The following MICALL2 variants were observed in gnomAD, a reference collection of about 807,000 sequenced individuals.
MICALL2 encodes the protein MICAL like 2.
In MICALL2, 111 loss-of-function variants were observed where a neutral mutation model predicts 91.1. The observed-to-expected ratio is 1.22, with a 90% CI of 1.04 to 1.43. The LOEUF (loss-of-function observed/expected upper bound fraction) is 1.43. Ranked by LOEUF, MICALL2 falls within the 40% of genes most tolerant of loss-of-function variation. MICALL2 has a pLI of 0.00. For missense variants in MICALL2, 1,556 were observed against 1,236.0 expected, an observed-to-expected ratio of 1.26 and a Z score of -3.88; for synonymous variants, 694 against 525.3, an observed-to-expected ratio of 1.32 and a Z score of -4.39.
intron 16 of MICALL2, 78 bp from the exon 17 acceptor site, chr7:1,434,750 G>A: frequency 1.4e-6 from 2 of 1,394,810 alleles, no homozygotes; most frequent in Admixed American, 2.3e-5. Context: ...CCCCCTGCCA[G>A]AAACATCCTT....
intron 15 of MICALL2, 65 bp downstream of exon 15, chr7:1,436,677 G>C: frequency 7.9e-7 from 1 of 1,265,304 alleles, no homozygotes; most frequent in Non-Finnish European, 1.1e-6. Context: ...CTGACCCTGA[G>C]GGCCGGGAGC....
At chr7:1,438,057 T>C in intron 12 of MICALL2, 40 bp downstream of exon 12, 2 of 1,564,388 alleles carry the variant, frequency 1.3e-6, no homozygotes, top group Non-Finnish European at 1.7e-6. Flanking sequence ...AGGGTGTCTG[T>C]GGGAGTCGGG....
intron 1 of MICALL2, among the ~76,000 whole-genome samples, chr7:1,457,975 C>T (rs1781078285): frequency 1.3e-5 from 2 of 152,286 alleles, no homozygotes. Flanking sequence ...GAAGCACGCA[C>T]CTTGTGCCCA....
chr7:1,438,240 G>C lies in MICALL2; in HGVS notation c.2188-20C>G, dbSNP rs764886929. ...GTGCAGCTGGGAACGGAGGGGCGGT[G>C]AGGATGCCGGAGGGCTGGGCCCCTG... On this transcript the variant is annotated intron_variant, in intron 11 of 16. Coordinates refer to ENST00000297508, the MANE Select transcript of MICALL2 (RefSeq NM_182924.4). The C allele has an allele frequency of 6.3e-7, 1 of 1,588,322 alleles. No individual in the cohort carries two copies. The highest frequency in any genetic ancestry group is 1.8e-5 in the Admixed American group (1 of 56,792).
intron 5 of MICALL2, among the ~76,000 whole-genome samples, chr7:1,446,176 G>A (rs1460918795): frequency 8.3e-5 from 7 of 84,820 alleles, no homozygotes; most frequent in Non-Finnish European, 1.5e-4. Flanking sequence ...GGAGCAGTAG[G>A]GAGAGAAGAG....
At chr7:1,453,300 A>G (rs963114443) in intron 1 of MICALL2, among the ~76,000 whole-genome samples, 12 of 152,260 alleles carry the variant, frequency 7.9e-5, no homozygotes, top group Admixed American at 7.8e-4. Flanking sequence ...CCCTGGTCCC[A>G]TGGCTGGTGT....
Position 1,448,689 on chromosome 7 carries a change from C to A in MICALL2, c.265G>T (p.Val89Leu), listed in dbSNP as rs543940865. The change falls in exon 3 of 17, where the codon GTG (valine) becomes TTG (leucine). Residue 89 changes from valine to leucine, a missense_variant. Val to Leu is a conservative substitution (Grantham distance 32). Transcript: ENST00000297508. ...GTCAAGATGCTCAGCCGGTCAGGCA[C>A]CTTCAAGGCCACCATGTCCTCGGCA... Reference protein sequence around the residue: ...LDAEDMVALKVPDRLSILTYV... With the variant: ...LDAEDMVALKLPDRLSILTYV... 14 of 1,612,760 alleles carry A rather than the reference C, an allele frequency of 8.7e-6. No homozygotes were observed. The highest frequency in any genetic ancestry group is 5.3e-5 in the African/African-American group (4 of 75,044).
At chr7:1,437,462 G>C (rs1395856513) in intron 14 of MICALL2, 73 bp downstream of exon 14, 1 of 1,357,786 alleles carries the variant, frequency 7.4e-7, no homozygotes, top group South Asian at 1.4e-5. Flanking sequence ...GCCTCACAGA[G>C]CCGGCCCCCA....
At chr7:1,454,653 G>T (rs1447846948) in intron 1 of MICALL2, among the ~76,000 whole-genome samples, 1 of 152,224 alleles carries the variant, frequency 6.6e-6, no homozygotes, top group Non-Finnish European at 1.5e-5. Flanking sequence ...CCCTGGGGCA[G>T]GAACAGAAGG....
At chr7:1,453,333 T>C (rs760066973) in intron 1 of MICALL2, among the ~76,000 whole-genome samples, 12 of 152,032 alleles carry the variant, frequency 7.9e-5, no homozygotes, top group Non-Finnish European at 1.6e-4. Context: ...GAAATGTGGA[T>C]GCAGATACAA....
intron 7 of MICALL2, 181 bp downstream of exon 7, chr7:1,442,011 A>T: frequency 2.8e-6 from 2 of 724,434 alleles, no homozygotes; most frequent in South Asian, 1.8e-5. Context: ...TGCAGCCACC[A>T]CACAGAGAGC....
chr7:1,434,857 G>T, intron 16 of MICALL2, 185 bp from the exon 17 acceptor site: 1 of 734,404 alleles, frequency 1.4e-6, no homozygotes, highest in Non-Finnish European at 2.2e-6. Flanking sequence ...TGCCCCGGAG[G>T]GCTGGTCCCC....
Position 1,452,622 on chromosome 7 carries a change from G to A in MICALL2, c.144-2334C>T, listed in dbSNP as rs1780877268. The stretch of plus-strand genomic sequence containing the variant: ...GCACTTGTTTCCGTCCACCCCAGGG[G>A]CCAGCAGCGGCTCTGTCCAGTGGGT... On this transcript the variant is annotated intron_variant, in intron 1 of 16. Coordinates refer to ENST00000297508, the MANE Select transcript of MICALL2 (RefSeq NM_182924.4). The surrounding 1 kb of genome is among the most constrained non-coding windows in gnomAD (Gnocchi z 6.2). Among the ~76,000 whole-genome samples, 1 of 152,130 alleles carries A rather than the reference G, an allele frequency of 6.6e-6. No individual in the cohort carries two copies. Among genetic ancestry groups the A allele is most frequent in the Non-Finnish European group, 1.5e-5 (1 of 68,012 alleles).
chr7:1,446,941 G>C (rs1255070250), intron 4 of MICALL2, 113 bp from the exon 5 acceptor site: 1 of 754,062 alleles, frequency 1.3e-6, no homozygotes, highest in African/African-American at 1.8e-5. Flanking sequence ...CTGGCCAGGA[G>C]AGGAGCCGCC....
At position 1,439,987 on chromosome 7, in the gene MICALL2, G is replaced by A; in HGVS notation, c.1904C>T (p.Thr635Ile). 2 of 1,540,102 alleles carry A rather than the reference G, an allele frequency of 1.3e-6. No homozygotes were observed. The change falls in exon 9 of 17, where the codon ACC becomes ATC. Residue 635 changes from threonine (T) to isoleucine (I), a missense_variant. Transcript: ENST00000297508. ...CCTGTCAGGCCTCACGGGGGTCAGGGTGATGTGGACACTCCCAGCAAAGCT... is the reference window on the plus strand; with the variant it reads ...CCTGTCAGGCCTCACGGGGGTCAGGATGATGTGGACACTCCCAGCAAAGCT... The part of the protein sequence containing the change: ...SGSFAGSVHI[T>I]LTPVRPDRTP...
At position 1,452,035 on chromosome 7, in the gene MICALL2, C is replaced by T. The variant is rs1399722997; in HGVS notation, c.144-1747G>A. On this transcript the variant is annotated intron_variant, in intron 1 of 16. Coordinates refer to ENST00000297508, the MANE Select transcript of MICALL2 (RefSeq NM_182924.4). The surrounding 1 kb of genome is among the most constrained non-coding windows in gnomAD (Gnocchi z 6.2). ...CCCACCTCTCTCCTTAGGAAGCCCC[C>T]GCCCCGTCCGCCTGCAGCCCTGCCG... Among the ~76,000 whole-genome samples the T allele has an allele frequency of 1.3e-5, 2 of 152,178 alleles. No individual in the cohort carries two copies. The highest frequency in any genetic ancestry group is 2.9e-5 in the Non-Finnish European group (2 of 68,010).
intron 1 of MICALL2, among the ~76,000 whole-genome samples, chr7:1,458,596 T>C (rs1049040265): frequency 6.6e-6 from 1 of 152,244 alleles, no homozygotes; most frequent in Non-Finnish European, 1.5e-5. Flanking sequence ...AGAGACAGCC[T>C]AGTCCTCAAC....
chr7:1,454,997 C>A lies in MICALL2; in HGVS notation c.143+4187G>T, dbSNP rs56164929. Among the ~76,000 whole-genome samples the A allele has an allele frequency of 5.9e-3, 894 of 152,326 alleles. 5 individuals carry two copies. Among genetic ancestry groups the A allele is most frequent in the Non-Finnish European group, 9.8e-3 (669 of 68,018 alleles). On this transcript the variant is annotated intron_variant, in intron 1 of 16. Coordinates refer to ENST00000297508, the MANE Select transcript of MICALL2 (RefSeq NM_182924.4). Reference sequence around the variant, plus strand: ...AACTGAGGGTGCAGCAGAGACCCAACTTCACGACACCCTCCCAAGGCCTGG... The same window carrying A: ...AACTGAGGGTGCAGCAGAGACCCAAATTCACGACACCCTCCCAAGGCCTGG...
At chr7:1,441,737 C>T (rs1038322564) in intron 7 of MICALL2, 1 of 203,106 alleles carries the variant, frequency 4.9e-6, no homozygotes, top group Admixed American at 5.3e-5. Context: ...GGGGACGGGG[C>T]ATAGGGCACC....
Sources: allele counts gnomAD v4.1 joint callset (sites outside exome capture counted in the v4.1 genomes callset), GRCh38; gene constraint gnomAD v4.1.1; non-coding constraint Gnocchi (gnomAD v3.1); transcripts MANE v1.5; gene names NCBI Gene and HGNC (gene_info 2026-07-23, HGNC 2026-07-21).